CREB1: variants seen among roughly 807,000 people sequenced by gnomAD.
CREB1 encodes cyclic AMP-responsive element-binding protein 1.
In CREB1, 2 loss-of-function variants were observed where a neutral mutation model predicts 42.0. The ratio of observed to expected loss-of-function variants is 0.05; its 90% confidence interval spans 0.02 to 0.15. The LOEUF is 0.15. CREB1 is among the 10% of genes least tolerant of loss of function. CREB1 has a pLI of 1.00. For missense variants in CREB1, 199 were observed against 388.9 expected (o/e 0.51, Z 4.11); for synonymous variants, 123 against 139.9 (o/e 0.88, Z 0.85).
chr2:207,567,593 T>C (rs1559290249), intron 4 of CREB1, 30 bp downstream of exon 4: 2 of 1,510,272 alleles, frequency 1.3e-6, no homozygotes, highest in Non-Finnish European at 9.2e-7. Flanking sequence ...GAATCAAAGA[T>C]GTGGAGGAAG....
At position 207,583,336 on chromosome 2, in the gene CREB1, G is replaced by A. The variant is rs7588606; in HGVS notation, c.839+5681G>A. On this transcript the variant is annotated intron_variant, in intron 7 of 7. Coordinates refer to ENST00000353267, the MANE Select transcript of CREB1 (RefSeq NM_004379.5). ...TCTGACTCTAAGCTTTAACCACGTG[G>A]CTCATTTTAGACTTCTCTTTGCCTG... Among the ~76,000 whole-genome samples the A allele has an allele frequency of 1.5e-3, 235 of 152,218 alleles. 3 individuals are homozygous for A. Among genetic ancestry groups the A allele is most frequent in the African/African-American group, 5.4e-3 (225 of 41,556 alleles).
rs1559095598 is a variant in CREB1 at position 207,602,069 on chromosome 2, T to A, written c.*5011T>A. On this transcript the variant is annotated 3_prime_UTR_variant, in exon 8 of 8. Coordinates refer to ENST00000353267, the MANE Select transcript of CREB1 (RefSeq NM_004379.5). ...AAATAAACAGGGTGCTGAAGTTCCA[T>A]CTGTCTCATCTGCTTATGATAAGTT... 1 of 205,000 alleles carries A rather than the reference T, an allele frequency of 4.9e-6. No homozygotes were observed. The highest frequency in any genetic ancestry group is 2.3e-5 in the African/African-American group (1 of 43,762). The allele number at this position is 205,000 out of a possible 1,614,324, so 12.7% of individuals were successfully genotyped here. A position where few individuals can be genotyped will look rare whatever the true frequency, so the allele number is the denominator to read the frequency against.
At chr2:207,547,373 A>G (rs2081338231) in intron 1 of CREB1, among the ~76,000 whole-genome samples, 1 of 152,242 alleles carries the variant, frequency 6.6e-6, no homozygotes, top group South Asian at 2.1e-4. Flanking sequence ...GGGTACTTAC[A>G]GTTTCAGCAT....
At chr2:207,555,123 T>TCC (rs201087037) in intron 1 of CREB1, among the ~76,000 whole-genome samples, 1,817 of 152,284 alleles carry the variant, frequency 0.012, 33 homozygotes, top group African/African-American at 0.041. Flanking sequence ...CTACCACTAG[T>TCC]AATCACTTTT....
intron 1 of CREB1, among the ~76,000 whole-genome samples, chr2:207,539,551 C>G (rs183487909): frequency 1.3e-5 from 2 of 151,798 alleles, no homozygotes; most frequent in Admixed American, 6.6e-5. Flanking sequence ...ATAAAAATAC[C>G]TAGGTATTAA....
At chr2:207,544,878 A>G (rs549703045) in intron 1 of CREB1, among the ~76,000 whole-genome samples, 124 of 152,252 alleles carry the variant, frequency 8.1e-4, no homozygotes, top group African/African-American at 2.8e-3. Context: ...AGCTCCATCT[A>G]TGTTCATGCA....
chr2:207,587,453 C>A (rs2084086383), intron 7 of CREB1, among the ~76,000 whole-genome samples: 1 of 151,306 alleles, frequency 6.6e-6, no homozygotes, highest in South Asian at 2.1e-4. Flanking sequence ...ACTATATGAT[C>A]TAGCAATCCT....
At chr2:207,566,541 C>G (rs1305771819) in intron 3 of CREB1, among the ~76,000 whole-genome samples, 1 of 152,108 alleles carries the variant, frequency 6.6e-6, no homozygotes, top group Non-Finnish European at 1.5e-5. Flanking sequence ...TCTGACAAAC[C>G]TGGTTTGAGA....
At chr2:207,588,736 TTTTTTTG>T (rs1039032216) in intron 7 of CREB1, among the ~76,000 whole-genome samples, 1 of 146,192 alleles carries the variant, frequency 6.8e-6, no homozygotes, top group Non-Finnish European at 1.5e-5. Context: ...TGGTTTTTTT[TTTTTTTG>T]TGTGTGGGGG....
intron 7 of CREB1, chr2:207,577,924 G>A: frequency 2.4e-6 from 1 of 423,328 alleles, no homozygotes; most frequent in East Asian, 5.0e-5. Flanking sequence ...CCCTATGTCT[G>A]CACTCCAACC....
intron 1 of CREB1, among the ~76,000 whole-genome samples, chr2:207,532,711 G>T (rs2080698355): frequency 1.3e-5 from 2 of 151,036 alleles, no homozygotes; most frequent in African/African-American, 4.9e-5. Flanking sequence ...CTTTAGTCTT[G>T]CCCGAGAGAT....
intron 3 of CREB1, among the ~76,000 whole-genome samples, chr2:207,565,911 G>A (rs988153803): frequency 6.6e-6 from 1 of 152,192 alleles, no homozygotes. Flanking sequence ...AGACTCTTGT[G>A]TGTGGGCTAG....
Position 207,602,304 on chromosome 2 carries a change from T to A in CREB1, c.*5246T>A, listed in dbSNP as rs377737239. 154 of 194,906 alleles carry A rather than the reference T, an allele frequency of 7.9e-4. 1 individual carries two copies. Among genetic ancestry groups the A allele is most frequent in the East Asian group, 2.2e-3 (27 of 12,520 alleles). 12.1% of individuals were successfully genotyped at this position (194,906 alleles called of 1,614,324 possible). The stretch of plus-strand genomic sequence containing the variant: ...GCAAGTTGATATTATAAACAGGCAG[T>A]TTTAGCACAGAAAGAAAATACTGAC... On this transcript the variant is annotated 3_prime_UTR_variant, in exon 8 of 8. Transcript: ENST00000353267.
chr2:207,554,076 A>G (rs573704994), intron 1 of CREB1, among the ~76,000 whole-genome samples: 3 of 152,202 alleles, frequency 2.0e-5, no homozygotes, highest in South Asian at 2.1e-4. Context: ...CTGTTGAGCT[A>G]CATCTCTGGA....
chr2:207,580,617 T>G (rs1470167447), intron 7 of CREB1: 1 of 217,590 alleles, frequency 4.6e-6, no homozygotes, highest in Non-Finnish European at 9.2e-6. Context: ...AGGAAAAGAT[T>G]GTAATCCAAA....
At chr2:207,595,843 A>G (rs1385351632) in intron 7 of CREB1, among the ~76,000 whole-genome samples, 1 of 152,216 alleles carries the variant, frequency 6.6e-6, no homozygotes, top group East Asian at 1.9e-4. Flanking sequence ...TGCTGGGATT[A>G]TAGGCGTGAG....
chr2:207,581,654 G>C, intron 7 of CREB1: 1 of 433,580 alleles, frequency 2.3e-6, no homozygotes, highest in Non-Finnish European at 4.1e-6. Context: ...TAAAAATACA[G>C]AGTTCCGGAT....
intron 2 of CREB1, among the ~76,000 whole-genome samples, chr2:207,558,937 C>T (rs1013753377): frequency 6.6e-6 from 1 of 152,196 alleles, no homozygotes; most frequent in African/African-American, 2.4e-5. Context: ...GCCACATTGC[C>T]CGGCCTAAAG....
Position 207,605,555 on chromosome 2 carries a change from CTG to C in CREB1, c.*8499_*8500del, listed in dbSNP as rs1454626020. ...AAAAAGAAACATGGAAAAGGGCAAACTGTAAGAAGTTTTTTGTGTTATGTTTT... is the reference window on the plus strand; with the variant it reads ...AAAAAGAAACATGGAAAAGGGCAAACTAAGAAGTTTTTTGTGTTATGTTTT... On this transcript the variant is annotated 3_prime_UTR_variant, in exon 8 of 8. Coordinates refer to ENST00000353267, the MANE Select transcript of CREB1 (RefSeq NM_004379.5). 6.6e-6 allele frequency among the ~76,000 whole-genome samples: 1 copy of C among 150,408 alleles called. No homozygotes were observed. Among genetic ancestry groups the C allele is most frequent in the Non-Finnish European group, 1.5e-5 (1 of 68,022 alleles).
Sources: gnomAD v4.1 joint callset for allele counts (sites outside exome capture counted in the v4.1 genomes callset) on GRCh38, gnomAD v4.1.1 for gene constraint, MANE v1.5 for transcripts, NCBI Gene and HGNC (gene_info 2026-07-23, HGNC 2026-07-21) for gene names.